Variants in BARD1 observed in about 807,000 individuals in gnomAD.
BARD1 encodes the protein BRCA1-associated RING domain protein 1.
Under a neutral mutation model 77.0 loss-of-function variants are expected in BARD1, and 73 were observed. The observed-to-expected ratio is 0.95, with a 90% CI of 0.79 to 1.15. The LOEUF is 1.15. BARD1 is among the 50% of genes most tolerant of loss of function. BARD1 has a pLI of 0.00. For synonymous variants in BARD1, 384 were observed against 338.0 expected, an observed-to-expected ratio of 1.14 and a Z score of -1.49; for missense variants, 993 against 938.8, an observed-to-expected ratio of 1.06 and a Z score of -0.75.
intron 3 of BARD1, among the ~76,000 whole-genome samples, chr2:214,787,272 A>G (rs1695315739): frequency 6.6e-6 from 1 of 151,908 alleles, no homozygotes; most frequent in Non-Finnish European, 1.5e-5. Flanking sequence ...TCAGGTGTAC[A>G]TATTTCCTAC....
intron 4 of BARD1, among the ~76,000 whole-genome samples, chr2:214,772,709 T>C (rs561653891): frequency 6.6e-6 from 1 of 152,318 alleles, no homozygotes; most frequent in East Asian, 1.9e-4. Context: ...ACCAATCTGC[T>C]TTCTCCTCTC....
chr2:214,737,824 C>T (rs1354483984), intron 9 of BARD1, among the ~76,000 whole-genome samples: 1 of 152,020 alleles, frequency 6.6e-6, no homozygotes, highest in Admixed American at 6.6e-5. Flanking sequence ...AACCTATTTT[C>T]CATTTAAAAC....
chr2:214,769,189 C>T lies in BARD1; in HGVS notation c.1395+43G>A. 6.6e-7 allele frequency: 1 copy of T among 1,515,402 alleles called. No individual in the cohort carries two copies. Among genetic ancestry groups the T allele is most frequent in the Non-Finnish European group, 9.2e-7 (1 of 1,090,742 alleles). The allele number at this position is 1,515,402 out of a possible 1,614,324, so 93.9% of individuals were successfully genotyped here. ...ACTACATAACTATAAACTATAAGAA[C>T]TGTAAAACACAGAAAGAATGAGAAT... On this transcript the variant is annotated intron_variant, in intron 5 of 10. Coordinates refer to ENST00000260947, the MANE Select transcript of BARD1 (RefSeq NM_000465.4).
intron 1 of BARD1, among the ~76,000 whole-genome samples, chr2:214,806,154 T>A (rs193010455): frequency 5.1e-4 from 77 of 152,250 alleles, no homozygotes; most frequent in African/African-American, 1.1e-3. Flanking sequence ...GAAGCCAGAT[T>A]CATGTTAAAG....
intron 2 of BARD1, among the ~76,000 whole-genome samples, chr2:214,795,177 G>A (rs996759500): frequency 3.3e-5 from 5 of 152,184 alleles, no homozygotes; most frequent in African/African-American, 1.2e-4. Flanking sequence ...CATTTCGTAA[G>A]CAGATCCATG....
intron 6 of BARD1, among the ~76,000 whole-genome samples, chr2:214,755,430 T>C (rs527678509): frequency 2.6e-5 from 4 of 152,332 alleles, no homozygotes; most frequent in African/African-American, 4.8e-5. Flanking sequence ...TTTACCAAAC[T>C]AGGTGTTTTG....
rs1425810692 is a variant in BARD1, at chr2:214,809,542, G to A, written c.28C>T (p.Arg10Trp). Residue 10 changes from arginine to tryptophan, a missense_variant, in exon 1 of 11, where the codon CGG (arginine) becomes TGG (tryptophan). Physicochemically the swap from Arg to Trp is moderately radical, Grantham distance 101. Transcript: ENST00000260947. MPDNRQPRNRQPRIRSGNEP... is the reference protein window; with the variant it reads MPDNRQPRNWQPRIRSGNEP... The stretch of plus-strand genomic sequence containing the variant: ...TTCCCGGAGCGGATCCTCGGCTGCC[G>A]GTTCCTCGGCTGCCGATTATCCGGC... The A allele has an allele frequency of 6.4e-7, 1 of 1,574,384 alleles. No homozygotes were observed. Among genetic ancestry groups the A allele is most frequent in the East Asian group, 2.3e-5 (1 of 42,852 alleles).
rs1695361471 is a variant in BARD1 at position 214,788,214 on chromosome 2, C to T, written c.364+4083G>A. On this transcript the variant is annotated intron_variant, in intron 3 of 10. Coordinates refer to ENST00000260947, the MANE Select transcript of BARD1 (RefSeq NM_000465.4). ...TTTTTTTTAATGTCACCAACACCGA[C>T]ATGTTTCACAGAACCTGACCAGCAC... 2.6e-5 allele frequency among the ~76,000 whole-genome samples: 4 copies of T among 151,644 alleles called. 1 individual carries two copies. The South Asian group carries it at 8.3e-4, about 31-fold the overall frequency.
rs1574788954 is a variant in BARD1, at chr2:214,767,616, T to C, written c.1434A>G (p.Glu478=). Residue 478 remains glutamate, a synonymous_variant, in exon 6 of 11, where the codon GAA becomes GAG. Transcript: ENST00000260947. Reference sequence around the variant, plus strand: ...CCAATGCCTTATGCTGGAGCAATAATTCCACTACCTTCAGGTGCCCATGAT... The same window carrying C: ...CCAATGCCTTATGCTGGAGCAATAACTCCACTACCTTCAGGTGCCCATGAT... ...ACNHGHLKVV[E]LLLQHKALVN... The C allele has an allele frequency of 4.3e-6, 7 of 1,614,076 alleles. No individual in the cohort carries two copies. Among genetic ancestry groups the C allele is most frequent in the Non-Finnish European group, 5.9e-6 (7 of 1,179,958 alleles).
At chr2:214,795,434 G>C (rs899665502) in intron 2 of BARD1, among the ~76,000 whole-genome samples, 18 of 152,024 alleles carry the variant, frequency 1.2e-4, no homozygotes, top group Non-Finnish European at 2.6e-4. Context: ...CAGACCAGAG[G>C]GCAGAGCTTG....
intron 6 of BARD1, among the ~76,000 whole-genome samples, chr2:214,760,339 C>T (rs964470311): frequency 6.6e-6 from 1 of 152,084 alleles, no homozygotes; most frequent in African/African-American, 2.4e-5. Context: ...ACTACAGGCA[C>T]ACGCCGCCAC....
chr2:214,796,760 T>C (rs1218381641), intron 2 of BARD1: 2 of 340,414 alleles, frequency 5.9e-6, no homozygotes, highest in African/African-American at 2.1e-5. Flanking sequence ...AAAATTTAAC[T>C]GGAAAATTTA....
intron 9 of BARD1, among the ~76,000 whole-genome samples, chr2:214,736,113 TA>T (rs1301892033): frequency 6.6e-6 from 1 of 152,034 alleles, no homozygotes; most frequent in Non-Finnish European, 1.5e-5. Flanking sequence ...AATTATACTC[TA>T]AAAAAGGCAT....
intron 1 of BARD1, among the ~76,000 whole-genome samples, chr2:214,801,557 C>CA (rs1696020069): frequency 6.6e-6 from 1 of 152,254 alleles, no homozygotes; most frequent in Non-Finnish European, 1.5e-5. Flanking sequence ...CATTGCTCCT[C>CA]AACAAAAACT....
Position 214,728,809 on chromosome 2 carries a change from G to A in BARD1, c.2201C>T (p.Thr734Ile), listed in dbSNP as rs1559371927. The A allele has an allele frequency of 1.2e-6, 2 of 1,614,228 alleles. No homozygotes were observed. The highest frequency in any genetic ancestry group is 1.7e-6 in the Non-Finnish European group (2 of 1,180,040). ...ARPDSDQRFC[T>I]QYIIYEDLCN... Reference sequence around the variant, plus strand: ...CAAATCTTCATAGATGATATACTGTGTGCAGAAGCGCTGATCAGAATCGGG... The same window carrying A: ...CAAATCTTCATAGATGATATACTGTATGCAGAAGCGCTGATCAGAATCGGG... Residue 734 changes from threonine to isoleucine, a missense_variant, in exon 11 of 11, where the codon ACA becomes ATA. Transcript: ENST00000260947.
At chr2:214,730,351 T>C in intron 10 of BARD1, 60 bp downstream of exon 10, 4 of 1,437,758 alleles carry the variant, frequency 2.8e-6, no homozygotes, top group South Asian at 1.1e-5. Context: ...TTCTTCCTGA[T>C]GGTGATAATA....
In BARD1 at chr2:214,727,404, C is replaced by T. The variant is rs1384127009; in HGVS notation, c.*1272G>A. 1 of 231,998 alleles carries T rather than the reference C, an allele frequency of 4.3e-6. No homozygotes were observed. The highest frequency in any genetic ancestry group is 8.5e-6 in the Non-Finnish European group (1 of 117,352). 14.4% of individuals were successfully genotyped at this position (231,998 alleles called of 1,614,324 possible). On this transcript the variant is annotated 3_prime_UTR_variant, in exon 11 of 11. Coordinates refer to ENST00000260947, the MANE Select transcript of BARD1 (RefSeq NM_000465.4). ...TTCATGAGGAACCAAACTGGCAAGT[C>T]TCTCAGTGTCTCCTTCCCCAAGTCT... is the stretch of plus-strand genomic sequence containing the variant.
intron 9 of BARD1, among the ~76,000 whole-genome samples, chr2:214,732,220 C>A (rs955453369): frequency 9.9e-5 from 15 of 152,256 alleles, no homozygotes; most frequent in African/African-American, 3.4e-4. Context: ...GGAGCAGAAC[C>A]ACTACTCGGC....
intron 1 of BARD1, among the ~76,000 whole-genome samples, chr2:214,802,160 A>G (rs1336922704): frequency 6.6e-6 from 1 of 152,208 alleles, no homozygotes; most frequent in Non-Finnish European, 1.5e-5. Context: ...ATACACATTC[A>G]ATAGAAATCA....
Sources: gnomAD v4.1 joint callset for allele counts (sites outside exome capture counted in the v4.1 genomes callset) on GRCh38, gnomAD v4.1.1 for gene constraint, MANE v1.5 for transcripts, NCBI Gene and HGNC (gene_info 2026-07-23, HGNC 2026-07-21) for gene names.